The following PKD2 variants were observed in gnomAD, a reference collection of about 807,000 sequenced individuals.
PKD2 encodes the protein polycystin 2, transient receptor potential cation channel.
In PKD2, 48 loss-of-function variants were observed where a neutral mutation model predicts 105.9. The observed-to-expected ratio is 0.45, with a 90% CI of 0.36 to 0.58. PKD2 has a LOEUF of 0.58. Ranked by LOEUF, PKD2 falls within the 20% of genes least tolerant of loss-of-function variation. PKD2 has a pLI of 0.00. For synonymous variants in PKD2, 464 were observed against 481.1 expected, an observed-to-expected ratio of 0.96 and a Z score of 0.46; for missense variants, 1,078 against 1,255.3, an observed-to-expected ratio of 0.86 and a Z score of 2.13.
At position 88,075,951 on chromosome 4, in the gene PKD2, G is replaced by A. The variant is rs534379682; in HGVS notation, c.*257G>A. 9.9e-5 allele frequency: 43 copies of A among 432,476 alleles called. No individual in the cohort carries two copies. The Admixed American group carries it at 1.1e-3, about 11-fold the overall frequency. 26.8% of individuals were successfully genotyped at this position (432,476 alleles called of 1,614,324 possible). ...AAAATCTTCATGATGTGTATTGAGC[G>A]GTACGCCCAGTTGCCACCATGACTG... On this transcript the variant is annotated 3_prime_UTR_variant, in exon 15 of 15. Coordinates refer to ENST00000237596, the MANE Select transcript of PKD2 (RefSeq NM_000297.4).
Position 88,074,875 on chromosome 4 carries a change from C to T in PKD2, c.2586C>T (p.Ala862=), listed in dbSNP as rs373043298. ...GCAGCATAGTGTCCAAGATTGACGC[C>T]GTGATCGTGAAGCTAGAGATTATGG... ...SIGSIVSKID[A]VIVKLEIMER... is the part of the protein sequence containing the mutation. The change falls in exon 14 of 15, where the codon GCC becomes GCT. Residue 862 remains alanine (A), a synonymous_variant. Coordinates refer to ENST00000237596, the MANE Select transcript of PKD2 (RefSeq NM_000297.4). The T allele has an allele frequency of 4.6e-5, 75 of 1,613,884 alleles. 1 individual carries two copies. The highest frequency in any genetic ancestry group is 8.3e-5 in the Admixed American group (5 of 59,994).
At chr4:88,070,539 G>T (rs1332047745) in intron 13 of PKD2, among the ~76,000 whole-genome samples, 3 of 146,144 alleles carry the variant, frequency 2.1e-5, no homozygotes, top group African/African-American at 7.5e-5. Context: ...TCTCTGTTGA[G>T]CTCCTCTAGT....
chr4:88,010,951 A>G (rs1206381044), intron 1 of PKD2, among the ~76,000 whole-genome samples: 1 of 152,204 alleles, frequency 6.6e-6, no homozygotes, highest in Admixed American at 6.5e-5. Flanking sequence ...CCTAAATATT[A>G]GGAAGGAGTT....
chr4:88,032,505 T>C (rs1727199717), intron 2 of PKD2, among the ~76,000 whole-genome samples: 1 of 152,170 alleles, frequency 6.6e-6, no homozygotes, highest in Non-Finnish European at 1.5e-5. Context: ...GTTTATTTTA[T>C]GGAAAATGGG....
intron 13 of PKD2, among the ~76,000 whole-genome samples, chr4:88,073,501 G>A (rs1193254768): frequency 1.3e-5 from 2 of 152,034 alleles, no homozygotes; most frequent in African/African-American, 4.8e-5. Context: ...ACTCCAGCCT[G>A]GGCGACAGAG....
chr4:88,054,292 T>C (rs894913773), intron 7 of PKD2, among the ~76,000 whole-genome samples: 25 of 151,758 alleles, frequency 1.6e-4, no homozygotes, highest in African/African-American at 6.0e-4. Context: ...TCCCAGCTAC[T>C]TGGGAATCTG....
At chr4:88,046,327 G>C (rs555958360) in intron 5 of PKD2, among the ~76,000 whole-genome samples, 1 of 152,080 alleles carries the variant, frequency 6.6e-6, no homozygotes, top group African/African-American at 2.4e-5. Context: ...AAAAGTTTGT[G>C]TGTTGATTTA....
At chr4:88,058,827 GT>G (rs1401459011) in intron 9 of PKD2, among the ~76,000 whole-genome samples, 1 of 151,930 alleles carries the variant, frequency 6.6e-6, no homozygotes, top group African/African-American at 2.4e-5. Context: ...AGTCAATTAA[GT>G]TTTTTTAAGG....
At chr4:88,027,750 T>C (rs1727007344) in intron 2 of PKD2, among the ~76,000 whole-genome samples, 1 of 151,756 alleles carries the variant, frequency 6.6e-6, no homozygotes, top group African/African-American at 2.4e-5. Flanking sequence ...GGTGACTGAA[T>C]CATAGGGGCA....
chr4:88,017,025 T>C (rs1726583049), intron 1 of PKD2, among the ~76,000 whole-genome samples: 1 of 150,098 alleles, frequency 6.7e-6, no homozygotes, highest in African/African-American at 2.5e-5. Flanking sequence ...GTATATCATA[T>C]AAAAATATAA....
At chr4:88,015,320 G>A (rs7660631) in intron 1 of PKD2, among the ~76,000 whole-genome samples, 3,113 of 152,206 alleles carry the variant, frequency 0.02, 109 homozygotes, top group African/African-American at 0.071. Flanking sequence ...ACTAGGATTG[G>A]CATTGAGTTG....
intron 10 of PKD2, among the ~76,000 whole-genome samples, chr4:88,064,558 C>G (rs1270452547): frequency 6.6e-6 from 1 of 152,040 alleles, no homozygotes; most frequent in Admixed American, 6.6e-5. Context: ...CTTACAGTGC[C>G]GCACTATGTG....
chr4:88,023,687 A>G (rs567492078), intron 2 of PKD2, among the ~76,000 whole-genome samples: 1 of 152,320 alleles, frequency 6.6e-6, no homozygotes, highest in South Asian at 2.1e-4. Flanking sequence ...TAAAACAAGT[A>G]TTTGGAAATA....
intron 1 of PKD2, among the ~76,000 whole-genome samples, chr4:88,012,509 A>G (rs894934480): frequency 3.3e-5 from 5 of 152,168 alleles, no homozygotes; most frequent in Non-Finnish European, 7.3e-5. Context: ...ATTCTAATTG[A>G]TCTAGGGAGT....
chr4:88,037,776 G>A (rs1727390973), intron 3 of PKD2, among the ~76,000 whole-genome samples: 1 of 152,200 alleles, frequency 6.6e-6, no homozygotes, highest in South Asian at 2.1e-4. Flanking sequence ...GGACGAGGAG[G>A]GATTGGAGAG....
At chr4:88,038,732 G>T (rs147232046) in intron 4 of PKD2, among the ~76,000 whole-genome samples, 30 of 152,178 alleles carry the variant, frequency 2.0e-4, no homozygotes, top group Admixed American at 1.5e-3. Context: ...AGACTAAATC[G>T]TTGACCATAT....
intron 7 of PKD2, among the ~76,000 whole-genome samples, chr4:88,052,536 C>T (rs887052507): frequency 1.1e-4 from 17 of 152,162 alleles, no homozygotes; most frequent in Non-Finnish European, 1.9e-4. Flanking sequence ...TCCCAAAGTG[C>T]TGGGATTACA....
intron 13 of PKD2, among the ~76,000 whole-genome samples, chr4:88,070,595 T>G (rs201533492): frequency 0.14 from 13,566 of 97,526 alleles, 740 homozygotes; most frequent in South Asian, 0.2. Context: ...TATATATATA[T>G]ATATATAGAG....
chr4:88,061,832 T>G (rs969132677), intron 9 of PKD2, 74 bp from the exon 10 acceptor site: 11 of 777,680 alleles, frequency 1.4e-5, no homozygotes, highest in Non-Finnish European at 2.4e-5. Context: ...AAAAGGCATG[T>G]GTCATTTTTT....
Sources: allele counts gnomAD v4.1 joint callset (sites outside exome capture counted in the v4.1 genomes callset), GRCh38; gene constraint gnomAD v4.1.1; transcripts MANE v1.5; gene names NCBI Gene and HGNC (gene_info 2026-07-23, HGNC 2026-07-21).